CFAP57: variants seen among roughly 807,000 people sequenced by gnomAD.
The protein encoded by CFAP57 is cilia- and flagella-associated protein 57.
A neutral mutation model predicts 146.8 loss-of-function variants in CFAP57; 116 were observed. The observed-to-expected ratio is 0.79, with a 90% CI of 0.68 to 0.92. The LOEUF is 0.92. Among genes scored for constraint, CFAP57 ranks in the 40% least tolerant of loss-of-function variants. The pLI is 0.00. For synonymous variants in CFAP57, 518 were observed against 552.8 expected (o/e 0.94, Z 0.88); for missense variants, 1,377 against 1,527.2 (o/e 0.90, Z 1.64).
intron 17 of CFAP57, among the ~76,000 whole-genome samples, chr1:43,226,051 T>C (rs948216950): frequency 6.6e-6 from 1 of 152,218 alleles, no homozygotes; most frequent in African/African-American, 2.4e-5. Flanking sequence ...CACATGCCTG[T>C]AATCCAAGCT....
chr1:43,189,695 A>G (rs980773574), intron 6 of CFAP57, among the ~76,000 whole-genome samples: 8 of 152,206 alleles, frequency 5.3e-5, no homozygotes, highest in Admixed American at 2.0e-4. Flanking sequence ...ATTTATAAAG[A>G]AAGGAAGTTT....
chr1:43,178,220 A>C (rs1410340530), intron 2 of CFAP57, among the ~76,000 whole-genome samples: 1 of 152,244 alleles, frequency 6.6e-6, no homozygotes, highest in Non-Finnish European at 1.5e-5. Context: ...TTCAGGATAT[A>C]GGCATGGGCA....
chr1:43,242,840 GATT>G (rs898931529), intron 21 of CFAP57, among the ~76,000 whole-genome samples: 1 of 151,492 alleles, frequency 6.6e-6, no homozygotes, highest in Non-Finnish European at 1.5e-5. Flanking sequence ...TTGTTTTTGT[GATT>G]ATAATAGCCA....
intron 21 of CFAP57, among the ~76,000 whole-genome samples, chr1:43,235,105 T>C (rs1226019173): frequency 1.3e-5 from 2 of 152,130 alleles, no homozygotes; most frequent in African/African-American, 2.4e-5. Context: ...CTGCTACCCA[T>C]ATCTCGTGGC....
At chr1:43,185,964 T>G (rs571364158) in intron 5 of CFAP57, among the ~76,000 whole-genome samples, 3 of 151,050 alleles carry the variant, frequency 2.0e-5, no homozygotes, top group African/African-American at 7.3e-5. Flanking sequence ...CCAGGTATGG[T>G]GGCACGTGTC....
At chr1:43,251,484 A>G in intron 22 of CFAP57, among the ~76,000 whole-genome samples, 1 of 152,212 alleles carries the variant, frequency 6.6e-6, no homozygotes. Context: ...GAACTCAGAT[A>G]AAACAAATAC....
At position 43,198,609 on chromosome 1, in the gene CFAP57, G is replaced by A. The variant is rs753008986; in HGVS notation, c.1391G>A (p.Arg464His). 15 of 1,613,850 alleles carry A rather than the reference G, an allele frequency of 9.3e-6. No individual in the cohort carries two copies. The highest frequency in any genetic ancestry group is 3.3e-5 in the Admixed American group (2 of 59,994). Residue 464 changes from arginine (R) to histidine (H), a missense_variant, in exon 8 of 23, where the codon CGT becomes CAT. Transcript: ENST00000372492. The part of the protein sequence containing the change: ...RLMNLLIDDI[R>H]SFKEYSVRGC... ...ATGAATCTACTCATTGATGATATACGTTCTTTCAAAGAATACTCTGTTAGA... is the reference window on the plus strand; with the variant it reads ...ATGAATCTACTCATTGATGATATACATTCTTTCAAAGAATACTCTGTTAGA...
chr1:43,199,871 C>T (rs754071750), intron 9 of CFAP57, among the ~76,000 whole-genome samples: 2 of 152,098 alleles, frequency 1.3e-5, no homozygotes, highest in Admixed American at 1.3e-4. Flanking sequence ...TGTCAGAGAA[C>T]GTGAAAGTCT....
At chr1:43,228,528 G>A (rs573198772) in intron 18 of CFAP57, among the ~76,000 whole-genome samples, 4 of 149,104 alleles carry the variant, frequency 2.7e-5, no homozygotes, top group South Asian at 2.2e-4. Context: ...GGTGACGCCT[G>A]TACTCTGGTA....
At chr1:43,184,425 T>C (rs1387158162) in intron 4 of CFAP57, among the ~76,000 whole-genome samples, 1 of 152,236 alleles carries the variant, frequency 6.6e-6, no homozygotes, top group Non-Finnish European at 1.5e-5. Context: ...ATATCTCCTG[T>C]GTATTGGAAT....
chr1:43,186,969 A>T, intron 6 of CFAP57, 110 bp downstream of exon 6: 1 of 1,319,090 alleles, frequency 7.6e-7, no homozygotes, highest in African/African-American at 1.4e-5. Flanking sequence ...AAACTCATGC[A>T]TCCCCTTAAT....
rs1167328111 is a variant in CFAP57, at chr1:43,172,606, GGACAAGGGGAGGAGAAAGGGGAGA to G, written c.-19-114_-19-91del. The G allele has an allele frequency of 1.3e-3, 946 of 739,588 alleles. 16 individuals carry two copies. In the East Asian group the frequency reaches 0.027, roughly 21 times the overall value. 45.8% of individuals were successfully genotyped at this position (739,588 alleles called of 1,614,324 possible). On this transcript the variant is annotated intron_variant, in intron 1 of 22. Transcript: ENST00000372492. ...GGGACAAGGGGAGGGGAAAGGGGAG[GGACAAGGGGAGGAGAAAGGGGAGA>G]GACAAGGGGAGGAGCAAAGGGCGGG...
intron 17 of CFAP57, 115 bp downstream of exon 17, chr1:43,224,319 TG>T: frequency 8.1e-7 from 1 of 1,229,248 alleles, no homozygotes; most frequent in South Asian, 1.8e-5. Flanking sequence ...TTTAACTTGA[TG>T]GGGGAACCAG....
In CFAP57 at chr1:43,181,701, A is replaced by C. The variant is rs778775219; in HGVS notation, c.325A>C (p.Lys109Gln). The change falls in exon 3 of 23, where the codon AAA becomes CAA. Residue 109 changes from lysine to glutamine, a missense_variant. Coordinates refer to ENST00000372492, the MANE Select transcript of CFAP57 (RefSeq NM_001378189.1). ...TAATAATTTTGACTTCCAAGTTCAG[A>C]AATTTATTAGCATGGCTTTTTCTCC... ...VLNNFDFQVQ[K>Q]FISMAFSPDS... 6.2e-7 allele frequency: 1 copy of C among 1,614,154 alleles called. No homozygotes were observed. The highest frequency in any genetic ancestry group is 1.7e-5 in the Admixed American group (1 of 60,026).
intron 6 of CFAP57, chr1:43,194,991 T>G (rs924945680): frequency 6.6e-6 from 1 of 152,230 alleles, no homozygotes; most frequent in Non-Finnish European, 1.5e-5. Context: ...TCTGAGATGC[T>G]TCTTTATAAG....
At chr1:43,228,078 T>C (rs1364831567) in intron 18 of CFAP57, among the ~76,000 whole-genome samples, 3 of 152,192 alleles carry the variant, frequency 2.0e-5, no homozygotes, top group African/African-American at 7.2e-5. Context: ...GGTCTCCACA[T>C]AGAGGCCTGA....
intron 21 of CFAP57, among the ~76,000 whole-genome samples, chr1:43,240,447 G>A (rs1359506043): frequency 6.6e-6 from 1 of 152,158 alleles, no homozygotes; most frequent in East Asian, 1.9e-4. Flanking sequence ...CTAACTGCCT[G>A]GCCTTGAGGG....
intron 22 of CFAP57, among the ~76,000 whole-genome samples, chr1:43,250,786 A>C (rs528852535): frequency 3.9e-5 from 6 of 152,164 alleles, no homozygotes; most frequent in Non-Finnish European, 8.8e-5. Context: ...CAAAAGAGAC[A>C]CTCACTTGCC....
At chr1:43,187,957 C>T (rs1569907517) in intron 6 of CFAP57, among the ~76,000 whole-genome samples, 1 of 152,262 alleles carries the variant, frequency 6.6e-6, no homozygotes, top group East Asian at 1.9e-4. Flanking sequence ...GTGCACGCCA[C>T]CACACCCAGC....
Sources: allele counts gnomAD v4.1 joint callset (sites outside exome capture counted in the v4.1 genomes callset), GRCh38; gene constraint gnomAD v4.1.1; transcripts MANE v1.5; gene names NCBI Gene and HGNC (gene_info 2026-07-23, HGNC 2026-07-21).